DSG3: variants seen among roughly 807,000 people sequenced by gnomAD.
The protein encoded by DSG3 is desmoglein 3, also known as desmoglein-3.
A neutral mutation model predicts 85.9 loss-of-function variants in DSG3; 63 were observed. The ratio of observed to expected loss-of-function variants is 0.73; its 90% CI spans 0.60 to 0.90. The LOEUF is 0.90. Among genes scored for constraint, DSG3 ranks in the 40% least tolerant of loss-of-function variants. The probability of loss-of-function intolerance (pLI) is 0.00; values close to 1 mark genes in which losing one functional copy is unlikely to be tolerated. For missense variants in DSG3, 1,220 were observed against 1,219.9 expected (o/e 1.00, Z 0.00); for synonymous variants, 447 against 441.9 (o/e 1.01, Z -0.14).
chr18:31,455,305 T>C (rs1241612746), intron 1 of DSG3, among the ~76,000 whole-genome samples: 1 of 152,142 alleles, frequency 6.6e-6, no homozygotes, highest in East Asian at 1.9e-4. Context: ...GTTTTTTTTT[T>C]CTTCTGACTT....
In DSG3 at chr18:31,475,888, C is replaced by T. The variant is rs1220067377; in HGVS notation, c.2628C>T (p.Asp876=). The part of the protein sequence containing the change: ...EGKEVQPPSK[D]SGYGIESCGH... ...AAGAAGTTCAGCCACCCTCTAAAGA[C>T]AGCGGTTATGGGATTGAATCCTGTG... The change falls in exon 16 of 16, where the codon GAC becomes GAT. Residue 876 remains aspartate (D), a synonymous_variant. Coordinates refer to ENST00000257189, the MANE Select transcript of DSG3 (RefSeq NM_001944.3). 6 of 1,614,026 alleles carry T rather than the reference C, an allele frequency of 3.7e-6. No individual in the cohort carries two copies. In the African/African-American group the frequency reaches 5.3e-5, roughly 14 times the overall value.
rs1568092176 is a variant in DSG3 at position 31,474,373 on chromosome 18, G to A, written c.2354G>A (p.Ser785Asn). The A allele has an allele frequency of 4.4e-6, 7 of 1,608,452 alleles. No individual in the cohort carries two copies. Among genetic ancestry groups the A allele is most frequent in the South Asian group, 1.1e-5 (1 of 90,282 alleles). Residue 785 changes from serine (S) to asparagine (N), a missense_variant, in exon 15 of 16, where the codon AGC (serine) becomes AAC (asparagine). Transcript: ENST00000257189. The part of the protein sequence containing the change: ...TNKDYADGAI[S>N]MNFLDSYFSQ... ...AAGGACTACGCTGATGGGGCGATAA[G>A]CATGAATTTTCTGGACTCCTACTTT...
chr18:31,456,641 C>T (rs1049805830), intron 2 of DSG3, among the ~76,000 whole-genome samples, 166 bp downstream of exon 2: 3 of 151,930 alleles, frequency 2.0e-5, no homozygotes, highest in Non-Finnish European at 2.9e-5. Flanking sequence ...TATTTTAAAA[C>T]TAGTCATCCA....
chr18:31,456,493 T>C lies in DSG3; in HGVS notation c.84+18T>C. 2 of 1,302,536 alleles carry C rather than the reference T, an allele frequency of 1.5e-6. No homozygotes were observed. The highest frequency in any genetic ancestry group is 2.0e-6 in the Non-Finnish European group (2 of 1,008,538). 80.7% of individuals were successfully genotyped at this position (1,302,536 alleles called of 1,614,324 possible). A position where few individuals can be genotyped will look rare whatever the true frequency, so the allele number is the denominator to read the frequency against. ...GAATAGAGGTAAAGTATGAAAAAGG[T>C]TTTTGTACTTAAAATAATAGTTTAG... On this transcript the variant is annotated intron_variant, in intron 2 of 15. Coordinates refer to ENST00000257189, the MANE Select transcript of DSG3 (RefSeq NM_001944.3).
chr18:31,457,247 G>T, intron 3 of DSG3, 123 bp downstream of exon 3: 1 of 793,680 alleles, frequency 1.3e-6, no homozygotes, highest in South Asian at 2.5e-5. Context: ...AAGTGAACTG[G>T]TATCCTCAAC....
At chr18:31,461,167 C>A in intron 7 of DSG3, 60 bp from the exon 8 acceptor site, 1 of 1,410,856 alleles carries the variant, frequency 7.1e-7, no homozygotes, top group African/African-American at 1.4e-5. Context: ...TTAGAAGAAA[C>A]ATAATCTCTC....
Position 31,472,411 on chromosome 18 carries a change from T to C in DSG3, c.2025T>C (p.His675=), listed in dbSNP as rs2072861590. Residue 675 remains histidine, a synonymous_variant, in exon 13 of 16, where the codon CAT becomes CAC. Transcript: ENST00000257189. ...ATCAGTGGGGAATTGAAGGAGCCCA[T>C]CCTGAAGACAAGGTAAGCATCCAGT... ...TIHQWGIEGA[H]PEDKEITNIC... is the part of the protein sequence containing the mutation. 1 of 1,612,812 alleles carries C rather than the reference T, an allele frequency of 6.2e-7. No homozygotes were observed. The highest frequency in any genetic ancestry group is 1.3e-5 in the African/African-American group (1 of 74,874).
At chr18:31,472,485 T>G (rs1263744610) in intron 13 of DSG3, 62 bp downstream of exon 13, 2 of 1,552,916 alleles carry the variant, frequency 1.3e-6, no homozygotes, top group African/African-American at 2.8e-5. Flanking sequence ...TGATTTACAT[T>G]GAGATAGGAA....
intron 12 of DSG3, 136 bp downstream of exon 12, chr18:31,469,485 A>G (rs2072842757): frequency 5.5e-6 from 7 of 1,266,826 alleles, no homozygotes; most frequent in East Asian, 2.5e-5. Context: ...GGAAAATGGC[A>G]TTTTCAGAAA....
intron 5 of DSG3, 144 bp from the exon 6 acceptor site, chr18:31,459,700 AC>A (rs1178562018): frequency 1.3e-6 from 1 of 759,168 alleles, no homozygotes; most frequent in Non-Finnish European, 2.1e-6. Flanking sequence ...AAGAGGTATC[AC>A]AAGTGATATA....
chr18:31,476,349 C>T lies in DSG3; in HGVS notation c.*89C>T, dbSNP rs1340511235. 17 of 1,471,106 alleles carry T rather than the reference C, an allele frequency of 1.2e-5. No individual in the cohort carries two copies. Among genetic ancestry groups the T allele is most frequent in the Non-Finnish European group, 1.5e-5 (17 of 1,098,066 alleles). 91.1% of individuals were successfully genotyped at this position (1,471,106 alleles called of 1,614,324 possible). On this transcript the variant is annotated 3_prime_UTR_variant, in exon 16 of 16. Coordinates refer to ENST00000257189, the MANE Select transcript of DSG3 (RefSeq NM_001944.3). Reference sequence around the variant, plus strand: ...GCATAGCAAAGCTCACTGTATTGGGCTAATAATTTGGCACTTATTAGCTTC... The same window carrying T: ...GCATAGCAAAGCTCACTGTATTGGGTTAATAATTTGGCACTTATTAGCTTC...
In DSG3 at chr18:31,476,411, G is replaced by A; in HGVS notation, c.*151G>A. On this transcript the variant is annotated 3_prime_UTR_variant, in exon 16 of 16. Coordinates refer to ENST00000257189, the MANE Select transcript of DSG3 (RefSeq NM_001944.3). ...GATCACGATTATAAATTAAATGTTT[G>A]GGTTCATACCCCAAAAGCAATATGT... 2.3e-6 allele frequency: 2 copies of A among 880,986 alleles called. No homozygotes were observed. The highest frequency in any genetic ancestry group is 3.3e-6 in the Non-Finnish European group (2 of 611,898). The allele number at this position is 880,986 out of a possible 1,614,324, so 54.6% of individuals were successfully genotyped here. A position where few individuals can be genotyped will look rare whatever the true frequency, so the allele number is the denominator to read the frequency against.
chr18:31,454,538 G>A (rs1303168614), intron 1 of DSG3, among the ~76,000 whole-genome samples: 1 of 152,096 alleles, frequency 6.6e-6, no homozygotes, highest in East Asian at 1.9e-4. Flanking sequence ...TACTCATTTG[G>A]TTCAGACTTG....
intron 12 of DSG3, 111 bp downstream of exon 12, chr18:31,469,460 A>G (rs922441485): frequency 6.9e-7 from 1 of 1,448,802 alleles, no homozygotes; most frequent in Non-Finnish European, 9.2e-7. Flanking sequence ...CTGATGTTTT[A>G]TAGGTAAAGC....
At chr18:31,462,620 C>G (rs534015439) in intron 8 of DSG3, among the ~76,000 whole-genome samples, 1 of 152,314 alleles carries the variant, frequency 6.6e-6, no homozygotes, top group Middle Eastern at 3.4e-3. Flanking sequence ...GTCTCCCAAA[C>G]TAGAAACGTG....
intron 1 of DSG3, among the ~76,000 whole-genome samples, chr18:31,451,096 T>C (rs1441094937): frequency 6.6e-6 from 1 of 152,186 alleles, no homozygotes; most frequent in African/African-American, 2.4e-5. Flanking sequence ...TATTTATCAG[T>C]TTCTTGTGCT....
At chr18:31,474,478 C>T in intron 15 of DSG3, 74 bp downstream of exon 15, 1 of 1,478,530 alleles carries the variant, frequency 6.8e-7, no homozygotes, top group South Asian at 1.4e-5. Context: ...TTATATACTT[C>T]AGTTTTGCAG....
In DSG3 at chr18:31,457,868, A is replaced by G. The variant is rs2072758874; in HGVS notation, c.217-577A>G. On this transcript the variant is annotated intron_variant, in intron 3 of 15. Transcript: ENST00000257189. ...CTGATCTCGAACTTCTGACCTCATGATCTGCCCACCTCGGCCTCCCAAAGT... is the reference window on the plus strand; with the variant it reads ...CTGATCTCGAACTTCTGACCTCATGGTCTGCCCACCTCGGCCTCCCAAAGT... 2.0e-5 allele frequency among the ~76,000 whole-genome samples: 3 copies of G among 151,876 alleles called. No homozygotes were observed. The South Asian group carries it at 6.3e-4, about 32-fold the overall frequency.
chr18:31,451,386 A>G (rs148481499), intron 1 of DSG3, among the ~76,000 whole-genome samples: 254 of 152,296 alleles, frequency 1.7e-3, no homozygotes, highest in African/African-American at 5.7e-3. Flanking sequence ...TTTAGAGTAC[A>G]ATTTTTTTAA....
Sources: allele counts gnomAD v4.1 joint callset (sites outside exome capture counted in the v4.1 genomes callset), GRCh38; gene constraint gnomAD v4.1.1; transcripts MANE v1.5; gene names NCBI Gene and HGNC (gene_info 2026-07-23, HGNC 2026-07-21).